The following NMT2 variants were observed in gnomAD, a reference collection of about 807,000 sequenced individuals.
NMT2 encodes the protein N-myristoyltransferase 2.
NMT2 carries 35 observed loss-of-function variants against 65.4 expected under a neutral mutation model. That is an observed-to-expected ratio of 0.54 (90% CI 0.41 to 0.71). NMT2 has a LOEUF of 0.71. Ranked by LOEUF, NMT2 falls within the 30% of genes least tolerant of loss-of-function variation. The pLI, the probability that NMT2 is intolerant of heterozygous loss-of-function variation, is 0.00. For missense variants in NMT2, 489 were observed against 611.3 expected, an observed-to-expected ratio of 0.80 and a Z score of 2.11; for synonymous variants, 226 against 231.8, an observed-to-expected ratio of 0.98 and a Z score of 0.23.
At chr10:15,112,766 A>G (rs745804628) in intron 10 of NMT2, 30 bp downstream of exon 10, 2 of 1,580,864 alleles carry the variant, frequency 1.3e-6, no homozygotes, top group Non-Finnish European at 1.7e-6. Context: ...TTGGAGAACC[A>G]AACGGCGTGA....
intron 1 of NMT2, among the ~76,000 whole-genome samples, chr10:15,159,320 T>C (rs1368197721): frequency 6.6e-6 from 1 of 152,204 alleles, no homozygotes. Context: ...CTTTCTATAA[T>C]GTTTAATTCT....
chr10:15,107,978 C>A lies in NMT2; in HGVS notation c.*1217G>T, dbSNP rs146836622. ...CACATGACAGTTTTCATGATAAAATCAGCATAGAGGAGTATGTGCAATTTT... is the reference window on the plus strand; with the variant it reads ...CACATGACAGTTTTCATGATAAAATAAGCATAGAGGAGTATGTGCAATTTT... On this transcript the variant is annotated 3_prime_UTR_variant, in exon 12 of 12. Coordinates refer to ENST00000378165, the MANE Select transcript of NMT2 (RefSeq NM_004808.3). 472 of 985,576 alleles carry A rather than the reference C, an allele frequency of 4.8e-4. 8 individuals are homozygous for A. The East Asian group carries it at 0.016, about 34-fold the overall frequency. 61.1% of individuals were successfully genotyped at this position (985,576 alleles called of 1,614,324 possible). A position where few individuals can be genotyped will look rare whatever the true frequency, so the allele number is the denominator to read the frequency against.
intron 1 of NMT2, chr10:15,155,318 C>T: frequency 8.1e-7 from 1 of 1,238,954 alleles, no homozygotes; most frequent in South Asian, 1.2e-5. Flanking sequence ...TGGGGTTGAC[C>T]ATGGCTGGTA....
rs558280366 is a variant in NMT2, at chr10:15,127,249, T to TA, written c.999+1100dup. ...GACTCTGTCTCAAAAAATAAAAAAATAAAAAAAATAACTTTTCGCCAGGCG... is the reference window on the plus strand; with the variant it reads ...GACTCTGTCTCAAAAAATAAAAAAATAAAAAAAAATAACTTTTCGCCAGGCG... On this transcript the variant is annotated intron_variant, in intron 8 of 11. Transcript: ENST00000378165. Among the ~76,000 whole-genome samples, 634 of 124,020 alleles carry TA rather than the reference T, an allele frequency of 5.1e-3. 4 individuals are homozygous for TA. Among genetic ancestry groups the TA allele is most frequent in the African/African-American group, 0.017 (566 of 33,788 alleles). The allele number at this position is 124,020 out of a possible 152,430, so 81.4% of individuals were successfully genotyped here.
chr10:15,144,933 A>G (rs1340889956), intron 1 of NMT2, among the ~76,000 whole-genome samples: 1 of 152,210 alleles, frequency 6.6e-6, no homozygotes, highest in Non-Finnish European at 1.5e-5. Flanking sequence ...TTATGTCCAC[A>G]CAGGAACTTG....
At chr10:15,160,138 AATG>A (rs1833139153) in intron 1 of NMT2, among the ~76,000 whole-genome samples, 1 of 152,174 alleles carries the variant, frequency 6.6e-6, no homozygotes, top group African/African-American at 2.4e-5. Flanking sequence ...CTTGGTGAAC[AATG>A]ATGTCTGACA....
intron 10 of NMT2, among the ~76,000 whole-genome samples, chr10:15,112,130 C>G (rs1845537994): frequency 7.9e-6 from 1 of 126,494 alleles, no homozygotes; most frequent in South Asian, 2.7e-4. Context: ...AATATTCACT[C>G]ATGTATTAAT....
At chr10:15,159,929 A>G (rs1023633431) in intron 1 of NMT2, among the ~76,000 whole-genome samples, 5 of 152,188 alleles carry the variant, frequency 3.3e-5, no homozygotes. Context: ...TGTCACGGGA[A>G]AGATACACTC....
chr10:15,118,028 A>G (rs1845800579), intron 9 of NMT2, among the ~76,000 whole-genome samples: 1 of 152,212 alleles, frequency 6.6e-6, no homozygotes, highest in Non-Finnish European at 1.5e-5. Flanking sequence ...TAAAATGTAT[A>G]TGCAAAAGGC....
intron 1 of NMT2, among the ~76,000 whole-genome samples, chr10:15,148,854 T>C (rs1255590403): frequency 6.6e-6 from 1 of 152,094 alleles, no homozygotes; most frequent in Non-Finnish European, 1.5e-5. Context: ...ACAATATGAA[T>C]AAGCACTTGA....
chr10:15,110,070 G>A (rs527931240), intron 10 of NMT2, among the ~76,000 whole-genome samples: 151 of 152,074 alleles, frequency 9.9e-4, no homozygotes, highest in African/African-American at 3.4e-3. Context: ...TCAGGAGTTC[G>A]AGACCAGCCT....
In NMT2 at chr10:15,119,517, G is replaced by C; in HGVS notation, c.1000-4C>G. The C allele has an allele frequency of 6.2e-7, 1 of 1,612,354 alleles. No individual in the cohort carries two copies. The highest frequency in any genetic ancestry group is 8.5e-7 in the Non-Finnish European group (1 of 1,179,036). ...TCAAACCTGAAGTCTTTGTAACCTT[G>C]TTGGAGGGGAAACAAAACAAATCCA... On this transcript the variant is annotated splice_polypyrimidine_tract_variant and splice_region_variant and intron_variant, in intron 8 of 11. Transcript: ENST00000378165.
At chr10:15,110,622 T>C (rs917212590) in intron 10 of NMT2, among the ~76,000 whole-genome samples, 1 of 144,000 alleles carries the variant, frequency 6.9e-6, no homozygotes, top group Non-Finnish European at 1.5e-5. Context: ...AGCAACAGAG[T>C]GAGCGCCTGT....
chr10:15,150,329 G>A (rs1157291226), intron 1 of NMT2, among the ~76,000 whole-genome samples: 1 of 152,120 alleles, frequency 6.6e-6, no homozygotes, highest in Non-Finnish European at 1.5e-5. Context: ...TGCAGTTCAG[G>A]GTTTGAAGAA....
At position 15,119,671 on chromosome 10, in the gene NMT2, C is replaced by T. The variant is rs542313077; in HGVS notation, c.1000-158G>A. 5.3e-5 allele frequency among the ~76,000 whole-genome samples: 8 copies of T among 152,214 alleles called. No homozygotes were observed. In the South Asian group the frequency reaches 6.2e-4, roughly 12 times the overall value. Reference sequence around the variant, plus strand: ...GGCCCTGCCCCAGATCTAATGAATCCGAATCTGCAACTCAACAAGATTTCC... The same window carrying T: ...GGCCCTGCCCCAGATCTAATGAATCTGAATCTGCAACTCAACAAGATTTCC... On this transcript the variant is annotated intron_variant, in intron 8 of 11. Transcript: ENST00000378165.
At chr10:15,145,423 A>G (rs567429428) in intron 1 of NMT2, among the ~76,000 whole-genome samples, 1 of 152,280 alleles carries the variant, frequency 6.6e-6, no homozygotes, top group East Asian at 1.9e-4. Flanking sequence ...TTTGTCGCCC[A>G]GGCTGGAGTG....
At chr10:15,149,773 CT>C (rs1186074068) in intron 1 of NMT2, among the ~76,000 whole-genome samples, 1 of 152,010 alleles carries the variant, frequency 6.6e-6, no homozygotes, top group Non-Finnish European at 1.5e-5. Context: ...ATAGAGAGAG[CT>C]TAAGTAATTT....
chr10:15,129,086 A>G (rs1846189745), intron 7 of NMT2, among the ~76,000 whole-genome samples: 1 of 152,218 alleles, frequency 6.6e-6, no homozygotes, highest in African/African-American at 2.4e-5. Context: ...CAAAAGGCCA[A>G]TCAGAAAGTT....
At chr10:15,153,941 C>T (rs1413886349) in intron 1 of NMT2, among the ~76,000 whole-genome samples, 1 of 152,178 alleles carries the variant, frequency 6.6e-6, no homozygotes, top group African/African-American at 2.4e-5. Flanking sequence ...CGTGAGCCGC[C>T]GCACCTGGCT....
Sources: gnomAD v4.1 joint callset for allele counts (sites outside exome capture counted in the v4.1 genomes callset) on GRCh38, gnomAD v4.1.1 for gene constraint, MANE v1.5 for transcripts, NCBI Gene and HGNC (gene_info 2026-07-23, HGNC 2026-07-21) for gene names.